VPS13A: variants seen among roughly 807,000 people sequenced by gnomAD.
VPS13A encodes the protein vacuolar protein sorting 13 homolog A, also known as intermembrane lipid transfer protein VPS13A.
A neutral mutation model predicts 390.9 loss-of-function variants in VPS13A; 264 were observed. That is an observed-to-expected ratio of 0.68 (90% CI 0.61 to 0.75). The LOEUF is 0.75. VPS13A is among the 30% of genes least tolerant of loss of function. The pLI, the probability that VPS13A is intolerant of heterozygous loss-of-function variation, is 0.00. For synonymous variants in VPS13A, 1,231 were observed against 1,227.1 expected (o/e 1.00, Z -0.07); for missense variants, 3,409 against 3,733.9 (o/e 0.91, Z 2.27).
intron 1 of VPS13A, among the ~76,000 whole-genome samples, chr9:77,189,644 C>T (rs1180064768): frequency 6.6e-6 from 1 of 152,120 alleles, no homozygotes; most frequent in Non-Finnish European, 1.5e-5. Flanking sequence ...TGAGAAATAA[C>T]ATTGGCAGTT....
At chr9:77,372,767 A>T (rs555087319) in intron 67 of VPS13A, among the ~76,000 whole-genome samples, 1 of 152,242 alleles carries the variant, frequency 6.6e-6, no homozygotes, top group East Asian at 1.9e-4. Context: ...TCCTTAAGCT[A>T]AGAAGCAACT....
At position 77,275,493 on chromosome 9, in the gene VPS13A, T is replaced by C. The variant is rs1177471807; in HGVS notation, c.2513-5T>C. 3 of 1,613,130 alleles carry C rather than the reference T, an allele frequency of 1.9e-6. No homozygotes were observed. The highest frequency in any genetic ancestry group is 4.5e-5 in the East Asian group (2 of 44,778). ...TTGACTTAAATAATGTTCTGTGAAA[T>C]GTAGATTCAGAGGAGGAATTTTTTG... On this transcript the variant is annotated splice_region_variant and splice_polypyrimidine_tract_variant and intron_variant, in intron 24 of 71. Transcript: ENST00000360280.
At chr9:77,262,654 A>C (rs553917111) in intron 23 of VPS13A, among the ~76,000 whole-genome samples, 4 of 151,534 alleles carry the variant, frequency 2.6e-5, no homozygotes, top group Non-Finnish European at 4.4e-5. Context: ...TCCTTGTTCA[A>C]CTCCCACTTA....
chr9:77,191,796 G>A (rs1236710940), intron 1 of VPS13A, among the ~76,000 whole-genome samples: 1 of 152,160 alleles, frequency 6.6e-6, no homozygotes, highest in African/African-American at 2.4e-5. Context: ...TTGCTTTATG[G>A]TTGAGCATGT....
intron 46 of VPS13A, among the ~76,000 whole-genome samples, chr9:77,332,896 C>G (rs1056781228): frequency 3.3e-5 from 5 of 152,122 alleles, no homozygotes; most frequent in Admixed American, 2.0e-4. Flanking sequence ...TTCTCTTGTC[C>G]AGAAGTTCAG....
At position 77,377,212 on chromosome 9, in the gene VPS13A, T is replaced by TTTTG. The variant is rs1554675542; in HGVS notation, c.9078-4761_9078-4760insGTTT. On this transcript the variant is annotated intron_variant, in intron 67 of 71. Coordinates refer to ENST00000360280, the MANE Select transcript of VPS13A (RefSeq NM_033305.3). ...AAGTATTTTTGATGCTGTTTTTTTT[T>TTTTG]TTTTTTTTTTTTTTTTTTGAGACGG... Among the ~76,000 whole-genome samples, 246 of 115,614 alleles carry TTTTG rather than the reference T, an allele frequency of 2.1e-3. 1 individual carries two copies. Among genetic ancestry groups the TTTTG allele is most frequent in the Admixed American group, 4.3e-3 (50 of 11,604 alleles). 75.8% of individuals were successfully genotyped at this position (115,614 alleles called of 152,430 possible).
intron 67 of VPS13A, among the ~76,000 whole-genome samples, chr9:77,374,512 A>G (rs1167120785): frequency 6.6e-6 from 1 of 152,138 alleles, no homozygotes; most frequent in Non-Finnish European, 1.5e-5. Flanking sequence ...GCAGGGTGGC[A>G]AGAAATTTTA....
chr9:77,291,161 G>A (rs1827634284), intron 31 of VPS13A, among the ~76,000 whole-genome samples: 1 of 152,116 alleles, frequency 6.6e-6, no homozygotes, highest in Non-Finnish European at 1.5e-5. Context: ...CAGATCAGTG[G>A]GGGCATTAGA....
chr9:77,177,855 C>CT (rs1804250391), intron 1 of VPS13A, 51 bp downstream of exon 1: 2 of 1,538,244 alleles, frequency 1.3e-6, no homozygotes, highest in Non-Finnish European at 1.8e-6. Context: ...TCCCGGCCGT[C>CT]TCGCTGCCCG....
intron 58 of VPS13A, 25 bp downstream of exon 58, chr9:77,359,427 T>C: frequency 6.4e-7 from 1 of 1,560,772 alleles, no homozygotes; most frequent in Non-Finnish European, 8.8e-7. Flanking sequence ...ACATTTCTTG[T>C]ATATTTATTT....
intron 71 of VPS13A, among the ~76,000 whole-genome samples, chr9:77,411,558 G>A (rs1469368005): frequency 6.6e-6 from 1 of 150,640 alleles, no homozygotes; most frequent in Non-Finnish European, 1.5e-5. Context: ...AGCTACGCGG[G>A]AGGCTGAGGC....
chr9:77,301,957 A>AATT (rs1554884398), intron 33 of VPS13A, among the ~76,000 whole-genome samples: 1 of 73,788 alleles, frequency 1.4e-5, no homozygotes. Flanking sequence ...ACATAGAGAT[A>AATT]TTTTTTTTTT....
intron 69 of VPS13A, among the ~76,000 whole-genome samples, chr9:77,405,260 CATG>C (rs936555665): frequency 4.6e-5 from 7 of 152,124 alleles, no homozygotes; most frequent in African/African-American, 1.4e-4. Context: ...AGGCCCTCAG[CATG>C]ATGATTCTGT....
intron 54 of VPS13A, among the ~76,000 whole-genome samples, chr9:77,355,978 G>A (rs914837945): frequency 6.6e-6 from 1 of 152,116 alleles, no homozygotes; most frequent in African/African-American, 2.4e-5. Flanking sequence ...AACACAGAGT[G>A]TATTCTTAAC....
At chr9:77,191,986 C>T (rs192991028) in intron 1 of VPS13A, among the ~76,000 whole-genome samples, 5 of 152,242 alleles carry the variant, frequency 3.3e-5, no homozygotes, top group African/African-American at 1.2e-4. Context: ...GTGCAAGTCT[C>T]TGTAGGTCTC....
At chr9:77,179,343 T>C (rs1823860024) in intron 1 of VPS13A, among the ~76,000 whole-genome samples, 1 of 152,180 alleles carries the variant, frequency 6.6e-6, no homozygotes. Context: ...TCATCAAGCC[T>C]CCCGAATTCT....
At chr9:77,329,960 T>C (rs1830202254) in intron 45 of VPS13A, among the ~76,000 whole-genome samples, 1 of 152,208 alleles carries the variant, frequency 6.6e-6, no homozygotes, top group Non-Finnish European at 1.5e-5. Context: ...TCATAAACTT[T>C]AGGAATTGTT....
intron 15 of VPS13A, among the ~76,000 whole-genome samples, chr9:77,227,052 A>G (rs986359432): frequency 6.6e-6 from 1 of 152,188 alleles, no homozygotes; most frequent in African/African-American, 2.4e-5. Context: ...CAGTTTTATC[A>G]TCTATAACAT....
intron 1 of VPS13A, among the ~76,000 whole-genome samples, chr9:77,195,196 T>G (rs1410665902): frequency 6.6e-6 from 1 of 152,096 alleles, no homozygotes; most frequent in Non-Finnish European, 1.5e-5. Context: ...CAATCTCGGC[T>G]CACTGGAAAC....
Sources: allele counts gnomAD v4.1 joint callset (sites outside exome capture counted in the v4.1 genomes callset), GRCh38; gene constraint gnomAD v4.1.1; transcripts MANE v1.5; gene names NCBI Gene and HGNC (gene_info 2026-07-23, HGNC 2026-07-21).